The following NCDN variants were observed in gnomAD, a reference collection of about 807,000 sequenced individuals.
NCDN encodes the protein norbin.
NCDN carries 9 observed loss-of-function variants against 60.7 expected under a neutral mutation model. That is an observed-to-expected ratio of 0.15 (90% CI 0.09 to 0.26). The LOEUF is 0.26. Ranked by LOEUF, NCDN falls within the 10% of genes least tolerant of loss-of-function variation. The pLI is 1.00. For synonymous variants in NCDN, 409 were observed against 442.5 expected (o/e 0.92, Z 0.95); for missense variants, 578 against 975.2 (o/e 0.59, Z 5.42).
At position 35,563,301 on chromosome 1, in the gene NCDN, G is replaced by A; in HGVS notation, c.1485G>A (p.Leu495=). The A allele has an allele frequency of 6.2e-7, 1 of 1,614,220 alleles. No individual in the cohort carries two copies. Among genetic ancestry groups the A allele is most frequent in the Non-Finnish European group, 8.5e-7 (1 of 1,180,048 alleles). ...GAPSLLCKYF[L]QQWELTSPGH... ...CCTCGCTTCTGTGCAAGTATTTCCTGCAGCAGTGGGAACTCACATCCCCTG... is the reference window on the plus strand; with the variant it reads ...CCTCGCTTCTGTGCAAGTATTTCCTACAGCAGTGGGAACTCACATCCCCTG... Residue 495 remains leucine, a synonymous_variant, in exon 5 of 7, where the codon CTG becomes CTA. Transcript: ENST00000373243. This position sits in a 1 kb window ranked among gnomAD's most constrained non-coding sequence, Gnocchi z 6.6.
In NCDN at chr1:35,566,431, T is replaced by C. The variant is rs1648877739; in HGVS notation, c.*768T>C. 3.9e-6 allele frequency: 1 copy of C among 255,146 alleles called. No individual in the cohort carries two copies. The allele number at this position is 255,146 out of a possible 1,614,324, so 15.8% of individuals were successfully genotyped here. Reference sequence around the variant, plus strand: ...TGGACACCTGAGCATCTGATTCCTGTCCCCCTGGTGCCATCTGGCCTGGCT... The same window carrying C: ...TGGACACCTGAGCATCTGATTCCTGCCCCCCTGGTGCCATCTGGCCTGGCT... On this transcript the variant is annotated 3_prime_UTR_variant, in exon 7 of 7. Coordinates refer to ENST00000373243, the MANE Select transcript of NCDN (RefSeq NM_014284.3). The surrounding 1 kb of genome is among the most constrained non-coding windows in gnomAD (Gnocchi z 5.3).
chr1:35,560,039 C>CATTT lies in NCDN; in HGVS notation c.175-285_175-282dup, dbSNP rs1648643952. 6.6e-6 allele frequency among the ~76,000 whole-genome samples: 1 copy of CATTT among 152,108 alleles called. No individual in the cohort carries two copies. The highest frequency in any genetic ancestry group is 2.4e-5 in the African/African-American group (1 of 41,408). On this transcript the variant is annotated intron_variant, in intron 2 of 6. Transcript: ENST00000373243. The surrounding 1 kb of genome is among the most constrained non-coding windows in gnomAD (Gnocchi z 7.6). ...AGCCCCTTCCATCCCAGGTTGTGGG[C>CATTT]ATTTAGACATCAGGAAGAACTTCTC...
At position 35,565,150 on chromosome 1, in the gene NCDN, C is replaced by T. The variant is rs754707931; in HGVS notation, c.1754-77C>T. On this transcript the variant is annotated intron_variant, in intron 6 of 6. Transcript: ENST00000373243. This position sits in a 1 kb window ranked among gnomAD's most constrained non-coding sequence, Gnocchi z 8.9. ...GTGCCCTGGCTCCTGCATGTGTCTACACAGAGGACTAGGGAAGGGTCTGAC... is the reference window on the plus strand; with the variant it reads ...GTGCCCTGGCTCCTGCATGTGTCTATACAGAGGACTAGGGAAGGGTCTGAC... 1.4e-6 allele frequency: 2 copies of T among 1,442,886 alleles called. No homozygotes were observed. The highest frequency in any genetic ancestry group is 1.9e-5 in the Admixed American group (1 of 51,688). 89.4% of individuals were successfully genotyped at this position (1,442,886 alleles called of 1,614,324 possible).
chr1:35,564,026 G>A, intron 6 of NCDN, 117 bp downstream of exon 6: 1 of 1,290,634 alleles, frequency 7.7e-7, no homozygotes, highest in Non-Finnish European at 1.0e-6. Context: ...TTCTAAGCAA[G>A]AGGAAATCTT....
rs1256349458 is a variant in NCDN at position 35,558,368 on chromosome 1, G to A, written c.33+145G>A. 10 of 1,521,978 alleles carry A rather than the reference G, an allele frequency of 6.6e-6. No homozygotes were observed. The highest frequency in any genetic ancestry group is 8.8e-6 in the Non-Finnish European group (10 of 1,137,660). 94.3% of individuals were successfully genotyped at this position (1,521,978 alleles called of 1,614,324 possible). ...TCTCCAGCCCCTGCCGGCATCCACA[G>A]GCTGGTAGCGGGACGGGGAGGGCGA... On this transcript the variant is annotated intron_variant, in intron 1 of 6. Transcript: ENST00000373243. The surrounding 1 kb of genome is among the most constrained non-coding windows in gnomAD (Gnocchi z 6.3).
Position 35,560,451 on chromosome 1 carries a change from C to G in NCDN, c.300C>G (p.Asp100Glu), listed in dbSNP as rs750473844. ...TTKEAPDGCP[D>E]HVLRALGVAL... ...AGGAGGCGCCGGATGGCTGCCCTGA[C>G]CATGTTCTGCGGGCTTTGGGTGTGG... Residue 100 changes from aspartate to glutamate, a missense_variant, in exon 3 of 7, where the codon GAC becomes GAG. By Grantham distance (45) the Asp-to-Glu change is conservative. Coordinates refer to ENST00000373243, the MANE Select transcript of NCDN (RefSeq NM_014284.3). The surrounding 1 kb of genome is among the most constrained non-coding windows in gnomAD (Gnocchi z 7.6). 1.8e-5 allele frequency: 29 copies of G among 1,614,050 alleles called. No individual in the cohort carries two copies. Among genetic ancestry groups the G allele is most frequent in the Non-Finnish European group, 2.5e-5 (29 of 1,180,056 alleles).
chr1:35,564,001 T>C, intron 6 of NCDN, 92 bp downstream of exon 6: 3 of 1,434,200 alleles, frequency 2.1e-6, no homozygotes, highest in South Asian at 1.4e-5. Context: ...TTTTAGAAGA[T>C]GGTTTTGCAG....
rs767526269 is a variant in NCDN, at chr1:35,565,321, C to T, written c.1848C>T (p.Asp616=). The T allele has an allele frequency of 1.9e-5, 30 of 1,613,936 alleles. No individual in the cohort carries two copies. The African/African-American group carries it at 3.2e-4, about 17-fold the overall frequency. The change falls in exon 7 of 7, where the codon GAC becomes GAT. Residue 616 remains aspartate, a synonymous_variant. Transcript: ENST00000373243. This position sits in a 1 kb window ranked among gnomAD's most constrained non-coding sequence, Gnocchi z 8.9. ...TGGCGCGGGCCACCCCGGGCTCAGA[C>T]CAGGCAGTGCTAGCCCTGTCCCCTG... The part of the protein sequence containing the change: ...SHVARATPGS[D]QAVLALSPEY...
At position 35,558,736 on chromosome 1, in the gene NCDN, C is replaced by A; in HGVS notation, c.34-371C>A. 8.7e-7 allele frequency: 1 copy of A among 1,144,746 alleles called. No homozygotes were observed. The highest frequency in any genetic ancestry group is 1.1e-6 in the Non-Finnish European group (1 of 921,704). 70.9% of individuals were successfully genotyped at this position (1,144,746 alleles called of 1,614,324 possible). On this transcript the variant is annotated intron_variant, in intron 1 of 6. Coordinates refer to ENST00000373243, the MANE Select transcript of NCDN (RefSeq NM_014284.3). The surrounding 1 kb of genome is among the most constrained non-coding windows in gnomAD (Gnocchi z 6.3). ...TCCTCACCACTCACTCCCTCTGTGTCCCTGTGGAGGGAGATAAAACCCAGC... is the reference window on the plus strand; with the variant it reads ...TCCTCACCACTCACTCCCTCTGTGTACCTGTGGAGGGAGATAAAACCCAGC...
In NCDN at chr1:35,565,163, G is replaced by A; in HGVS notation, c.1754-64G>A. 6.7e-7 allele frequency: 1 copy of A among 1,500,484 alleles called. No homozygotes were observed. Among genetic ancestry groups the A allele is most frequent in the Non-Finnish European group, 9.1e-7 (1 of 1,102,266 alleles). The allele number at this position is 1,500,484 out of a possible 1,614,324, so 92.9% of individuals were successfully genotyped here. On this transcript the variant is annotated intron_variant, in intron 6 of 6. Coordinates refer to ENST00000373243, the MANE Select transcript of NCDN (RefSeq NM_014284.3). This position sits in a 1 kb window ranked among gnomAD's most constrained non-coding sequence, Gnocchi z 8.9. ...TGCATGTGTCTACACAGAGGACTAGGGAAGGGTCTGACACAGCAGCTGGCC... is the reference window on the plus strand; with the variant it reads ...TGCATGTGTCTACACAGAGGACTAGAGAAGGGTCTGACACAGCAGCTGGCC...
Position 35,558,355 on chromosome 1 carries a change from G to T in NCDN, c.33+132G>T. The T allele has an allele frequency of 6.5e-7, 1 of 1,536,316 alleles. No individual in the cohort carries two copies. The highest frequency in any genetic ancestry group is 1.2e-5 in the South Asian group (1 of 81,560). The stretch of plus-strand genomic sequence containing the variant: ...ACCCCCTCTTGCTTCTCCAGCCCCT[G>T]CCGGCATCCACAGGCTGGTAGCGGG... On this transcript the variant is annotated intron_variant, in intron 1 of 6. Coordinates refer to ENST00000373243, the MANE Select transcript of NCDN (RefSeq NM_014284.3). This position sits in a 1 kb window ranked among gnomAD's most constrained non-coding sequence, Gnocchi z 6.3.
chr1:35,560,455 G>A lies in NCDN; in HGVS notation c.304G>A (p.Val102Ile). 1 of 1,614,012 alleles carries A rather than the reference G, an allele frequency of 6.2e-7. No individual in the cohort carries two copies. Among genetic ancestry groups the A allele is most frequent in the Non-Finnish European group, 8.5e-7 (1 of 1,180,050 alleles). Reference protein sequence around the residue: ...KEAPDGCPDHVLRALGVALLA... With the variant: ...KEAPDGCPDHILRALGVALLA... ...GGCGCCGGATGGCTGCCCTGACCATGTTCTGCGGGCTTTGGGTGTGGCCCT... is the reference window on the plus strand; with the variant it reads ...GGCGCCGGATGGCTGCCCTGACCATATTCTGCGGGCTTTGGGTGTGGCCCT... Residue 102 changes from valine to isoleucine, a missense_variant, in exon 3 of 7, where the codon GTT becomes ATT. Transcript: ENST00000373243. This position sits in a 1 kb window ranked among gnomAD's most constrained non-coding sequence, Gnocchi z 7.6.
At position 35,562,589 on chromosome 1, in the gene NCDN, C is replaced by G. The variant is rs766199700; in HGVS notation, c.1341C>G (p.Ile447Met). 6.2e-7 allele frequency: 1 copy of G among 1,614,028 alleles called. No homozygotes were observed. Among genetic ancestry groups the G allele is most frequent in the Non-Finnish European group, 8.5e-7 (1 of 1,179,950 alleles). ...DLSQQVANLA[I>M]SPTTPGPTWP... ...CCCAGCAGGTGGCCAACCTGGCCATCTCCCCCACCACCCCAGGGCCCACCT... is the reference window on the plus strand; with the variant it reads ...CCCAGCAGGTGGCCAACCTGGCCATGTCCCCCACCACCCCAGGGCCCACCT... Residue 447 changes from isoleucine to methionine, a missense_variant, in exon 4 of 7, where the codon ATC (isoleucine) becomes ATG (methionine). This residue lies in a region of NCDN where 24 missense variants were observed against 19.5 expected (regional missense o/e 1.23). Transcript: ENST00000373243. The surrounding 1 kb of genome is among the most constrained non-coding windows in gnomAD (Gnocchi z 6.8).
At position 35,566,762 on chromosome 1, in the gene NCDN, G is replaced by T. The variant is rs1049249014; in HGVS notation, c.*1099G>T. The T allele has an allele frequency of 6.4e-6, 3 of 469,816 alleles. No homozygotes were observed. The highest frequency in any genetic ancestry group is 1.3e-5 in the Non-Finnish European group (3 of 226,956). The allele number at this position is 469,816 out of a possible 1,614,324, so 29.1% of individuals were successfully genotyped here. ...GTGCACATGTGGACACTCAATAAAT[G>T]TTCATTGGTGACGAGAAGCCTCCTG... is the stretch of plus-strand genomic sequence containing the variant. On this transcript the variant is annotated 3_prime_UTR_variant, in exon 7 of 7. Transcript: ENST00000373243. The surrounding 1 kb of genome is among the most constrained non-coding windows in gnomAD (Gnocchi z 5.3).
chr1:35,563,652 A>G lies in NCDN; in HGVS notation c.1611-115A>G. On this transcript the variant is annotated intron_variant, in intron 5 of 6. Coordinates refer to ENST00000373243, the MANE Select transcript of NCDN (RefSeq NM_014284.3). The surrounding 1 kb of genome is among the most constrained non-coding windows in gnomAD (Gnocchi z 6.6). ...GCTTGTTCCAATCTCTGCCCCCCAG[A>G]TGCTATGTTTGGGGCCCAAAGTTAA... is the stretch of plus-strand genomic sequence containing the variant. 1 of 1,303,314 alleles carries G rather than the reference A, an allele frequency of 7.7e-7. No individual in the cohort carries two copies. Among genetic ancestry groups the G allele is most frequent in the Non-Finnish European group, 1.1e-6 (1 of 932,078 alleles). The allele number at this position is 1,303,314 out of a possible 1,614,324, so 80.7% of individuals were successfully genotyped here.
At position 35,563,773 on chromosome 1, in the gene NCDN, C is replaced by G. The variant is rs147373266; in HGVS notation, c.1617C>G (p.Asp539Glu). Residue 539 changes from aspartate (D) to glutamate (E), a missense_variant, in exon 6 of 7, where the codon GAC (aspartate) becomes GAG (glutamate). Asp to Glu is a conservative substitution (Grantham distance 45). This residue lies in a region of NCDN where 191 missense variants were observed against 372.1 expected (regional missense o/e 0.51). Coordinates refer to ENST00000373243, the MANE Select transcript of NCDN (RefSeq NM_014284.3). This position sits in a 1 kb window ranked among gnomAD's most constrained non-coding sequence, Gnocchi z 6.6. ...TCCCCCCTTTCTTTTCCAGGCGTGA[C>G]GCCTGCTTCACATCTCTAATGAACA... ...VVTAPGLIKR[D>E]ACFTSLMNTL... is the part of the protein sequence containing the mutation. The G allele has an allele frequency of 1.2e-6, 2 of 1,613,788 alleles. No individual in the cohort carries two copies. Among genetic ancestry groups the G allele is most frequent in the African/African-American group, 1.3e-5 (1 of 74,870 alleles).
rs1648428526 is a variant in NCDN at position 35,558,093 on chromosome 1, G to A, written c.-98G>A. 1.5e-5 allele frequency: 23 copies of A among 1,526,412 alleles called. No homozygotes were observed. In the South Asian group the frequency reaches 2.4e-4, roughly 16 times the overall value. The allele number at this position is 1,526,412 out of a possible 1,614,324, so 94.6% of individuals were successfully genotyped here. A position where few individuals can be genotyped will look rare whatever the true frequency, so the allele number is the denominator to read the frequency against. ...TTTAATTTGCCCTGTCATCTTTGGG[G>A]GCTGTCTCCCATGTCGTGATTTTGA... On this transcript the variant is annotated 5_prime_UTR_variant, in exon 1 of 7. Coordinates refer to ENST00000373243, the MANE Select transcript of NCDN (RefSeq NM_014284.3). The surrounding 1 kb of genome is among the most constrained non-coding windows in gnomAD (Gnocchi z 6.3).
rs1011584003 is a variant in NCDN, at chr1:35,563,605, C to G, written c.1611-162C>G. Among the ~76,000 whole-genome samples the G allele has an allele frequency of 6.6e-6, 1 of 152,178 alleles. No individual in the cohort carries two copies. The highest frequency in any genetic ancestry group is 1.5e-5 in the Non-Finnish European group (1 of 68,032). Reference sequence around the variant, plus strand: ...CAAGGATTCGGCATGCTGGAACCCCCAGGTACTGTCTCAGCATGTCTGCTT... The same window carrying G: ...CAAGGATTCGGCATGCTGGAACCCCGAGGTACTGTCTCAGCATGTCTGCTT... On this transcript the variant is annotated intron_variant, in intron 5 of 6. Transcript: ENST00000373243. This position sits in a 1 kb window ranked among gnomAD's most constrained non-coding sequence, Gnocchi z 6.6.
Position 35,563,431 on chromosome 1 carries a change from G to A in NCDN, c.1610+5G>A. 1 of 1,611,580 alleles carries A rather than the reference G, an allele frequency of 6.2e-7. No individual in the cohort carries two copies. ...CACCGCACCGGGGCTGATCAAGTGA[G>A]GGGCTCGGGAGAGGTGGGGGAGGAG... On this transcript the variant is annotated splice_donor_5th_base_variant and intron_variant, in intron 5 of 6. Transcript: ENST00000373243. This position sits in a 1 kb window ranked among gnomAD's most constrained non-coding sequence, Gnocchi z 6.6.
Sources: gnomAD v4.1 joint callset for allele counts (sites outside exome capture counted in the v4.1 genomes callset) on GRCh38, gnomAD v4.1.1 for gene constraint, gnomAD v4.1.1 regional missense constraint, Gnocchi (gnomAD v3.1) non-coding constraint, MANE v1.5 for transcripts, NCBI Gene and HGNC (gene_info 2026-07-23, HGNC 2026-07-21) for gene names.